The following SACS variants were observed in gnomAD, a reference collection of about 807,000 sequenced individuals.
SACS encodes the protein sacsin.
In SACS, 197 loss-of-function variants were observed where a neutral mutation model predicts 348.0. The observed-to-expected ratio is 0.57, with a 90% CI of 0.50 to 0.64. The LOEUF is 0.64. Among genes scored for constraint, SACS ranks in the 30% least tolerant of loss-of-function variants. The pLI, the probability that SACS is intolerant of heterozygous loss-of-function variation, is 0.00. For synonymous variants in SACS, 1,985 were observed against 1,910.6 expected (o/e 1.04, Z -1.02); for missense variants, 4,999 against 5,360.8 (o/e 0.93, Z 2.11).
Position 23,409,298 on chromosome 13 carries a change from G to A in SACS, c.20+1922C>T, listed in dbSNP as rs190338987. Among the ~76,000 whole-genome samples the A allele has an allele frequency of 1.1e-3, 161 of 144,906 alleles. 1 individual carries two copies. Among genetic ancestry groups the A allele is most frequent in the African/African-American group, 3.5e-3 (137 of 39,134 alleles). On this transcript the variant is annotated intron_variant, in intron 2 of 9. Transcript: ENST00000382292. ...TTTCGATCTCCTGACCTCATGATCC[G>A]CCCGCCTCGGCCTCCCAAAGTGCTG...
chr13:23,335,712 TTCTG>T lies in SACS; in HGVS notation c.8160_8163del (p.Asp2720GlufsTer18). On this transcript the variant is annotated frameshift_variant, in exon 10 of 10. Coordinates refer to ENST00000382292, the MANE Select transcript of SACS (RefSeq NM_014363.6). LOFTEE classifies it high-confidence loss of function. The surrounding 1 kb of genome is among the most constrained non-coding windows in gnomAD (Gnocchi z 4.7). ...AGTTTGTCCAAAAGATTCTGGACCATTCTGTCTGATGCTGGAACAGACGAAATTT... is the reference window on the plus strand; with the variant it reads ...AGTTTGTCCAAAAGATTCTGGACCATTCTGATGCTGGAACAGACGAAATTT... 1 of 1,614,066 alleles carries T rather than the reference TTCTG, an allele frequency of 6.2e-7. No individual in the cohort carries two copies. The highest frequency in any genetic ancestry group is 8.5e-7 in the Non-Finnish European group (1 of 1,179,908).
At chr13:23,403,560 G>A (rs745768663) in intron 2 of SACS, among the ~76,000 whole-genome samples, 3 of 152,200 alleles carry the variant, frequency 2.0e-5, no homozygotes, top group Non-Finnish European at 2.9e-5. Context: ...AGTATTCTCT[G>A]ATGGTAGTCT....
At position 23,333,854 on chromosome 13, in the gene SACS, T is replaced by C. The variant is rs750765809; in HGVS notation, c.10022A>G (p.Asp3341Gly). 2 of 1,613,888 alleles carry C rather than the reference T, an allele frequency of 1.2e-6. No individual in the cohort carries two copies. The highest frequency in any genetic ancestry group is 2.2e-5 in the South Asian group (2 of 91,078). Residue 3341 changes from aspartate to glycine, a missense_variant, in exon 10 of 10, where the codon GAC (aspartate) becomes GGC (glycine). Around this residue, in one of 6 missense-constraint regions of SACS, gnomAD observed 734 missense variants for 694.0 expected, o/e 1.06. Transcript: ENST00000382292. ...QLALNKICSK[D>G]SAFVPLLSCH... Reference sequence around the variant, plus strand: ...TGACAACAAAGGAACAAATGCACTGTCTTTGGAACAGATTTTGTTCAAAGC... The same window carrying C: ...TGACAACAAAGGAACAAATGCACTGCCTTTGGAACAGATTTTGTTCAAAGC...
chr13:23,425,130 C>T (rs1014941823), intron 1 of SACS, among the ~76,000 whole-genome samples: 2 of 151,412 alleles, frequency 1.3e-5, no homozygotes, highest in South Asian at 2.1e-4. Context: ...ACGTCCACCT[C>T]GAGCTGGATG....
chr13:23,333,851 C>A lies in SACS; in HGVS notation c.10025G>T (p.Ser3342Ile). 1 of 1,613,870 alleles carries A rather than the reference C, an allele frequency of 6.2e-7. No individual in the cohort carries two copies. The highest frequency in any genetic ancestry group is 8.5e-7 in the Non-Finnish European group (1 of 1,179,834). ...LALNKICSKD[S>I]AFVPLLSCHT... ...ACATGACAACAAAGGAACAAATGCACTGTCTTTGGAACAGATTTTGTTCAA... is the reference window on the plus strand; with the variant it reads ...ACATGACAACAAAGGAACAAATGCAATGTCTTTGGAACAGATTTTGTTCAA... Residue 3342 changes from serine (S) to isoleucine (I), a missense_variant, in exon 10 of 10, where the codon AGT becomes ATT. By Grantham distance (142) the Ser-to-Ile change is moderately radical. Around this residue, in one of 6 missense-constraint regions of SACS, gnomAD observed 734 missense variants for 694.0 expected, o/e 1.06. Transcript: ENST00000382292.
Position 23,333,134 on chromosome 13 carries a change from G to T in SACS, c.10742C>A (p.Ser3581Tyr). The T allele has an allele frequency of 6.2e-7, 1 of 1,613,222 alleles. No individual in the cohort carries two copies. Among genetic ancestry groups the T allele is most frequent in the Non-Finnish European group, 8.5e-7 (1 of 1,179,570 alleles). The change falls in exon 10 of 10, where the codon TCC (serine) becomes TAC (tyrosine). Residue 3581 changes from serine (S) to tyrosine (Y), a missense_variant. Physicochemically the swap from Ser to Tyr is moderately radical, Grantham distance 144. This residue lies in a region of SACS where 831 missense variants were observed against 941.8 expected (regional missense o/e 0.88). Transcript: ENST00000382292. ...AATATTTCTTAAGAATTCCACCCAG[G>T]ATGTCATAAATGTAACATGATTTTT... Reference protein sequence around the residue: ...KPKNHVTFMTSWVEFLRNIGL... With the variant: ...KPKNHVTFMTYWVEFLRNIGL...
At chr13:23,417,491 T>C (rs560503347) in intron 1 of SACS, among the ~76,000 whole-genome samples, 1 of 152,234 alleles carries the variant, frequency 6.6e-6, no homozygotes, top group Non-Finnish European at 1.5e-5. Context: ...GAGAACCTGA[T>C]ACATGAGAGA....
At position 23,337,685 on chromosome 13, in the gene SACS, T is replaced by A; in HGVS notation, c.6191A>T (p.Asn2064Ile). 6.2e-7 allele frequency: 1 copy of A among 1,612,752 alleles called. No homozygotes were observed. ...KQFFSEVFFP[N>I]IQEIEAELRD... The stretch of plus-strand genomic sequence containing the variant: ...AAGTTCTGCTTCAATTTCTTGAATA[T>A]TTGGAAAAAACACTTCAGAAAAAAA... The change falls in exon 10 of 10, where the codon AAT (asparagine) becomes ATT (isoleucine). Residue 2064 changes from asparagine to isoleucine, a missense_variant. Asn to Ile is a moderately radical substitution (Grantham distance 149). Transcript: ENST00000382292.
intron 2 of SACS, among the ~76,000 whole-genome samples, chr13:23,407,790 T>A (rs1873297890): frequency 6.6e-6 from 1 of 152,184 alleles, no homozygotes; most frequent in Non-Finnish European, 1.5e-5. Context: ...GCCCAGCTGG[T>A]GCATGCATCC....
rs1418027563 is a variant in SACS, at chr13:23,335,429, G to T, written c.8447C>A (p.Thr2816Asn). 2 of 1,613,874 alleles carry T rather than the reference G, an allele frequency of 1.2e-6. No homozygotes were observed. Among genetic ancestry groups the T allele is most frequent in the Non-Finnish European group, 1.7e-6 (2 of 1,179,888 alleles). The change falls in exon 10 of 10, where the codon ACT becomes AAT. Residue 2816 changes from threonine to asparagine, a missense_variant. Coordinates refer to ENST00000382292, the MANE Select transcript of SACS (RefSeq NM_014363.6). The surrounding 1 kb of genome is among the most constrained non-coding windows in gnomAD (Gnocchi z 4.7). Reference sequence around the variant, plus strand: ...TGATCTATTACAAATTAGCCACGTAGTAAGATTTCCTTCAGAGTCCTCAGT... The same window carrying T: ...TGATCTATTACAAATTAGCCACGTATTAAGATTTCCTTCAGAGTCCTCAGT... ...MDTEDSEGNL[T>N]TWLICNRSGF...
intron 7 of SACS, among the ~76,000 whole-genome samples, chr13:23,356,398 G>A (rs1214682727): frequency 6.6e-6 from 1 of 152,218 alleles, no homozygotes; most frequent in Non-Finnish European, 1.5e-5. Flanking sequence ...TCTGTAAGAA[G>A]AGACAGAGAG....
At chr13:23,352,659 C>T (rs1870039949) in intron 9 of SACS, among the ~76,000 whole-genome samples, 1 of 151,896 alleles carries the variant, frequency 6.6e-6, no homozygotes, top group South Asian at 2.1e-4. Context: ...AAAGGAGTTC[C>T]AAATCGTTAG....
rs545912114 is a variant in SACS at position 23,358,454 on chromosome 13, G to A, written c.485C>T (p.Ala162Val). ...QGPALYVYNN[A>V]VFTPEDWHGI... ...GTGCCAGTCCTCTGGGGTGAAAACC[G>A]CGTTGTTGTACACATAGAGAGCTGG... is the stretch of plus-strand genomic sequence containing the variant. Residue 162 changes from alanine to valine, a missense_variant, in exon 7 of 10, where the codon GCG becomes GTG. By Grantham distance (64) the Ala-to-Val change is moderately conservative. Transcript: ENST00000382292. The A allele has an allele frequency of 8.1e-6, 13 of 1,614,072 alleles. No individual in the cohort carries two copies. Among genetic ancestry groups the A allele is most frequent in the East Asian group, 2.2e-5 (1 of 44,862 alleles).
chr13:23,361,106 T>C (rs760455443), intron 6 of SACS, among the ~76,000 whole-genome samples: 2 of 152,174 alleles, frequency 1.3e-5, no homozygotes, highest in East Asian at 3.9e-4. Flanking sequence ...TCAGTGCAAC[T>C]CCTGGGAAGA....
Position 23,334,330 on chromosome 13 carries a change from T to C in SACS, c.9546A>G (p.Pro3182=), listed in dbSNP as rs199611821. 6.2e-7 allele frequency: 1 copy of C among 1,611,254 alleles called. No individual in the cohort carries two copies. The highest frequency in any genetic ancestry group is 2.2e-5 in the East Asian group (1 of 44,836). The change falls in exon 10 of 10, where the codon CCA becomes CCG. Residue 3182 remains proline, a synonymous_variant. Transcript: ENST00000382292. ...KFLTTYHELI[P]SRKDLFMNTL... is the part of the protein sequence containing the mutation. ...TATTCATAAACAAGTCTTTGCGGGATGGAATCAATTCATGATATGTTGTTA... is the reference window on the plus strand; with the variant it reads ...TATTCATAAACAAGTCTTTGCGGGACGGAATCAATTCATGATATGTTGTTA...
intron 9 of SACS, among the ~76,000 whole-genome samples, chr13:23,349,743 G>A (rs1331148068): frequency 6.6e-6 from 1 of 152,152 alleles, no homozygotes; most frequent in East Asian, 1.9e-4. Flanking sequence ...CCCTTAGAAG[G>A]ATAGTACTGT....
intron 9 of SACS, among the ~76,000 whole-genome samples, chr13:23,345,268 C>T (rs943806947): frequency 1.3e-5 from 2 of 152,054 alleles, no homozygotes; most frequent in African/African-American, 4.8e-5. Flanking sequence ...GTAGATCAGT[C>T]GCTCTTCAAA....
chr13:23,431,522 C>G (rs1388531423), intron 1 of SACS, among the ~76,000 whole-genome samples: 1 of 152,226 alleles, frequency 6.6e-6, no homozygotes, highest in Non-Finnish European at 1.5e-5. Flanking sequence ...GCCACCCAGG[C>G]TGTCCAAGAT....
At chr13:23,422,630 TG>T (rs1233379064) in intron 1 of SACS, among the ~76,000 whole-genome samples, 1 of 151,614 alleles carries the variant, frequency 6.6e-6, no homozygotes, top group African/African-American at 2.4e-5. Context: ...TAAAACAGTC[TG>T]TGTGCAAAGA....
Sources: allele counts gnomAD v4.1 joint callset (sites outside exome capture counted in the v4.1 genomes callset), GRCh38; gene constraint gnomAD v4.1.1; regional missense constraint gnomAD v4.1.1; non-coding constraint Gnocchi (gnomAD v3.1); transcripts MANE v1.5; gene names NCBI Gene and HGNC (gene_info 2026-07-23, HGNC 2026-07-21).